SLC35G2: variants seen among roughly 807,000 people sequenced by gnomAD.
The protein encoded by SLC35G2 is transmembrane protein 22.
SLC35G2 carries 20 observed loss-of-function variants against 27.2 expected under a neutral mutation model. The observed-to-expected ratio is 0.74, with a 90% CI of 0.52 to 1.07. The LOEUF (loss-of-function observed/expected upper bound fraction) is 1.07. Among genes scored for constraint, SLC35G2 ranks in the 50% least tolerant of loss-of-function variants. The probability of loss-of-function intolerance (pLI) is 0.00; values close to 1 mark genes in which losing one functional copy is unlikely to be tolerated. For missense variants in SLC35G2, 416 were observed against 493.3 expected (o/e 0.84, Z 1.48); for synonymous variants, 148 against 165.3 (o/e 0.90, Z 0.80).
chr3:136,845,752 C>G (rs1239214353), intron 1 of SLC35G2, among the ~76,000 whole-genome samples: 1 of 151,994 alleles, frequency 6.6e-6, no homozygotes, highest in East Asian at 1.9e-4. Context: ...CGCGCCATCA[C>G]GTCTAGCTAA....
At chr3:136,847,139 T>A (rs9847548) in intron 1 of SLC35G2, among the ~76,000 whole-genome samples, 103,436 of 151,948 alleles carry the variant, frequency 0.68, 35,477 homozygotes, top group East Asian at 0.87. Context: ...ATCATGCCAC[T>A]ACATTCTAGC....
chr3:136,821,513 C>G (rs1342388000), intron 1 of SLC35G2, among the ~76,000 whole-genome samples: 2 of 152,076 alleles, frequency 1.3e-5, no homozygotes, highest in African/African-American at 4.8e-5. Context: ...GTGACGTGCT[C>G]TCCGCTCACT....
chr3:136,850,897 AT>A (rs1937603215), intron 1 of SLC35G2, among the ~76,000 whole-genome samples: 1 of 151,944 alleles, frequency 6.6e-6, no homozygotes, highest in Non-Finnish European at 1.5e-5. Flanking sequence ...AGGTGGGAGG[AT>A]TGCTTGAGCC....
chr3:136,841,286 C>T (rs975008630), intron 1 of SLC35G2, among the ~76,000 whole-genome samples: 22 of 152,216 alleles, frequency 1.4e-4, no homozygotes, highest in African/African-American at 4.6e-4. Flanking sequence ...AACTAGATTC[C>T]GGAATGTAAC....
chr3:136,847,992 A>C (rs944387243), intron 1 of SLC35G2, among the ~76,000 whole-genome samples: 2 of 152,152 alleles, frequency 1.3e-5, no homozygotes, highest in African/African-American at 4.8e-5. Context: ...AAACAAAAAC[A>C]AAACAAAAGA....
intron 1 of SLC35G2, among the ~76,000 whole-genome samples, chr3:136,835,307 C>CTTTTTTTTTTTTTTTTT: frequency 8.8e-6 from 1 of 113,200 alleles, no homozygotes; most frequent in Non-Finnish European, 1.8e-5. Context: ...AGGCCTTTTT[C>CTTTTTTTTTTTTTTTTT]TTTTTTTTTT....
intron 1 of SLC35G2, among the ~76,000 whole-genome samples, chr3:136,823,291 T>A (rs1421835140): frequency 6.6e-6 from 1 of 152,226 alleles, no homozygotes; most frequent in African/African-American, 2.4e-5. Context: ...TTGCCATTCC[T>A]TATGTATTCT....
At chr3:136,821,644 C>A (rs888932170) in intron 1 of SLC35G2, among the ~76,000 whole-genome samples, 1 of 152,124 alleles carries the variant, frequency 6.6e-6, no homozygotes, top group Non-Finnish European at 1.5e-5. Flanking sequence ...GTTGGCCAGG[C>A]TGGTCTTGAA....
intron 1 of SLC35G2, among the ~76,000 whole-genome samples, chr3:136,826,104 T>G (rs1936579384): frequency 6.6e-6 from 1 of 151,872 alleles, no homozygotes; most frequent in African/African-American, 2.4e-5. Flanking sequence ...TGGCGCGATC[T>G]TGGCTCACTG....
chr3:136,853,696 A>C (rs886158795), intron 1 of SLC35G2, among the ~76,000 whole-genome samples: 3 of 152,196 alleles, frequency 2.0e-5, no homozygotes, highest in African/African-American at 7.2e-5. Flanking sequence ...AACAAATATA[A>C]ATACGTATTC....
At chr3:136,842,652 GGTT>G (rs1333851447) in intron 1 of SLC35G2, 3 of 152,182 alleles carry the variant, frequency 2.0e-5, no homozygotes, top group African/African-American at 7.2e-5. Flanking sequence ...AGCTTGTGAT[GGTT>G]ATTATAGGAT....
In SLC35G2 at chr3:136,819,538, G is replaced by T. The variant is rs6763369; in HGVS notation, c.-109G>T. On this transcript the variant is annotated 5_prime_UTR_variant, in exon 1 of 2. Transcript: ENST00000446465. The stretch of plus-strand genomic sequence containing the variant: ...ACGGCCCGGTTTCCCGTTTCTTTCC[G>T]CTGTCGCGTGTCTGGGCCCTCCTGC... The T allele has an allele frequency of 0.68, 102,815 of 151,504 alleles. 35,141 individuals carry two copies. Among genetic ancestry groups the T allele is most frequent in the East Asian group, 0.87 (4,423 of 5,104 alleles). The allele number at this position is 151,504 out of a possible 1,614,324, so 9.4% of individuals were successfully genotyped here.
intron 1 of SLC35G2, among the ~76,000 whole-genome samples, chr3:136,848,976 TC>T (rs1050193338): frequency 3.2e-4 from 48 of 152,008 alleles, no homozygotes; most frequent in African/African-American, 1.1e-3. Flanking sequence ...GGTAGGGAGT[TC>T]AAGACCAGCC....
intron 1 of SLC35G2, among the ~76,000 whole-genome samples, chr3:136,826,204 T>G (rs1320385472): frequency 6.6e-6 from 1 of 151,954 alleles, no homozygotes; most frequent in African/African-American, 2.4e-5. Context: ...GCCCGGCTAA[T>G]TTTTTGCATT....
intron 1 of SLC35G2, among the ~76,000 whole-genome samples, chr3:136,826,663 G>A (rs913029977): frequency 6.6e-6 from 1 of 151,594 alleles, no homozygotes; most frequent in Non-Finnish European, 1.5e-5. Flanking sequence ...ATTTTTTTGA[G>A]ATGTGGTCTG....
At chr3:136,836,738 ACAGC>A (rs559801197) in intron 1 of SLC35G2, among the ~76,000 whole-genome samples, 15 of 152,090 alleles carry the variant, frequency 9.9e-5, no homozygotes, top group Non-Finnish European at 1.8e-4. Context: ...CAGGGACCAG[ACAGC>A]CAGCACCACC....
intron 1 of SLC35G2, among the ~76,000 whole-genome samples, chr3:136,830,815 A>G (rs762466739): frequency 2.6e-4 from 40 of 152,076 alleles, no homozygotes; most frequent in Non-Finnish European, 5.4e-4. Context: ...CTGCCTTATC[A>G]ATTCTGCTAT....
chr3:136,836,809 G>A (rs1349795475), intron 1 of SLC35G2, among the ~76,000 whole-genome samples: 1 of 152,148 alleles, frequency 6.6e-6, no homozygotes, highest in Non-Finnish European at 1.5e-5. Context: ...TCATTAAGAT[G>A]TAAACATATT....
chr3:136,855,452 CATTCTTAGGAGTTT>C lies in SLC35G2; in HGVS notation c.996_1009del (p.Phe332LeufsTer12), dbSNP rs1937961771. 6.2e-7 allele frequency: 1 copy of C among 1,614,056 alleles called. No homozygotes were observed. The highest frequency in any genetic ancestry group is 1.3e-5 in the African/African-American group (1 of 74,932). On this transcript the variant is annotated frameshift_variant, in exon 2 of 2. Transcript: ENST00000446465. LOFTEE classifies it high-confidence loss of function. The stretch of plus-strand genomic sequence containing the variant: ...GCTATATGTGTCTGTTCTACTGCAG[CATTCTTAGGAGTTT>C]ATTATGCCTTGGACAAATTCCATCC...
Sources: gnomAD v4.1 joint callset for allele counts (sites outside exome capture counted in the v4.1 genomes callset) on GRCh38, gnomAD v4.1.1 for gene constraint, MANE v1.5 for transcripts, NCBI Gene and HGNC (gene_info 2026-07-23, HGNC 2026-07-21) for gene names.